Variants in SLC25A26 observed in about 807,000 individuals in gnomAD.
The protein encoded by SLC25A26 is mitochondrial S-adenosylmethionine carrier protein.
In SLC25A26, 36 loss-of-function variants were observed where a neutral mutation model predicts 37.8. The ratio of observed to expected loss-of-function variants is 0.95; its 90% CI spans 0.73 to 1.26. The LOEUF is 1.26. SLC25A26 is among the 50% of genes most tolerant of loss of function. SLC25A26 has a pLI of 0.00. For missense variants in SLC25A26, 390 were observed against 331.1 expected (o/e 1.18, Z -1.38); for synonymous variants, 129 against 122.5 (o/e 1.05, Z -0.35).
In SLC25A26 at chr3:66,378,810, TGAACCTTTATTAAA is replaced by T. The variant is rs1204350130; in HGVS notation, c.*1006_*1019del. ...CACCAACTATACTGACATTTATAAATGAACCTTTATTAAAGACACTTCAATGCCATTTGTTAGAC... is the reference window on the plus strand; with the variant it reads ...CACCAACTATACTGACATTTATAAATGACACTTCAATGCCATTTGTTAGAC... On this transcript the variant is annotated 3_prime_UTR_variant, in exon 10 of 10. Transcript: ENST00000354883. 2 of 152,634 alleles carry T rather than the reference TGAACCTTTATTAAA, an allele frequency of 1.3e-5. No homozygotes were observed. Among genetic ancestry groups the T allele is most frequent in the African/African-American group, 4.8e-5 (2 of 41,454 alleles). The allele number at this position is 152,634 out of a possible 1,614,324, so 9.5% of individuals were successfully genotyped here.
At chr3:66,283,317 G>T (rs544616350) in intron 5 of SLC25A26, among the ~76,000 whole-genome samples, 55 of 152,198 alleles carry the variant, frequency 3.6e-4, no homozygotes, top group African/African-American at 1.2e-3. Flanking sequence ...AGGTCTCACT[G>T]TGTTAACCCA....
At chr3:66,208,573 C>G (rs2071211010) in intron 1 of SLC25A26, among the ~76,000 whole-genome samples, 1 of 150,268 alleles carries the variant, frequency 6.7e-6, no homozygotes, top group Admixed American at 6.7e-5. Context: ...AGCTATTCTG[C>G]TTCTTTCGCC....
intron 5 of SLC25A26, among the ~76,000 whole-genome samples, chr3:66,343,674 A>G (rs332362): frequency 0.54 from 82,371 of 152,094 alleles, 24,650 homozygotes; most frequent in African/African-American, 0.79. Flanking sequence ...TAATTGAGAA[A>G]TGAATGATGC....
At position 66,245,112 on chromosome 3, in the gene SLC25A26, T is replaced by C. The variant is rs548559240; in HGVS notation, c.300+1800T>C. 3.9e-5 allele frequency among the ~76,000 whole-genome samples: 6 copies of C among 152,240 alleles called. No homozygotes were observed. In the South Asian group the frequency reaches 1.2e-3, roughly 32 times the overall value. ...TGAAGAGATGGGGGTCTCTTTATGT[T>C]TTCCAGACTGGTCTCGAACTCCTGG... is the stretch of plus-strand genomic sequence containing the variant. On this transcript the variant is annotated intron_variant, in intron 3 of 9. Transcript: ENST00000354883.
intron 1 of SLC25A26, among the ~76,000 whole-genome samples, chr3:66,150,748 A>G (rs1317459570): frequency 6.7e-6 from 1 of 148,198 alleles, no homozygotes; most frequent in African/African-American, 2.5e-5. Context: ...TGTCCCCTGG[A>G]CTGGCTGGAC....
chr3:66,167,358 A>G (rs1263621286), intron 1 of SLC25A26, among the ~76,000 whole-genome samples: 3 of 152,240 alleles, frequency 2.0e-5, no homozygotes, highest in South Asian at 2.1e-4. Context: ...TGACACTAAC[A>G]TGTTAAATTT....
intron 1 of SLC25A26, among the ~76,000 whole-genome samples, chr3:66,213,242 A>G (rs2071310259): frequency 6.6e-6 from 1 of 151,884 alleles, no homozygotes. Flanking sequence ...TCTACTAAAA[A>G]TACAAAAATT....
intron 5 of SLC25A26, among the ~76,000 whole-genome samples, chr3:66,334,063 C>T (rs576929997): frequency 2.5e-4 from 38 of 152,262 alleles, no homozygotes; most frequent in Non-Finnish European, 4.7e-4. Flanking sequence ...AGTTGTGGAT[C>T]TTTTGTCTAG....
intron 5 of SLC25A26, among the ~76,000 whole-genome samples, chr3:66,336,040 A>C (rs2076086692): frequency 6.6e-6 from 1 of 152,126 alleles, no homozygotes; most frequent in African/African-American, 2.4e-5. Context: ...TTCTAATTGT[A>C]ATTTTGCGTA....
chr3:66,248,539 A>G (rs1046800013), intron 3 of SLC25A26, among the ~76,000 whole-genome samples: 22 of 152,322 alleles, frequency 1.4e-4, no homozygotes, highest in Non-Finnish European at 2.6e-4. Flanking sequence ...GACGTGTTGT[A>G]TCTTATCCTA....
intron 1 of SLC25A26, among the ~76,000 whole-genome samples, chr3:66,188,711 G>A (rs1039501572): frequency 1.1e-3 from 173 of 152,124 alleles, no homozygotes; most frequent in Middle Eastern, 3.4e-3. Context: ...TCAGGTTTTC[G>A]TTTATAACAA....
At chr3:66,189,247 A>G (rs1371851077) in intron 1 of SLC25A26, among the ~76,000 whole-genome samples, 4 of 151,644 alleles carry the variant, frequency 2.6e-5, no homozygotes, top group South Asian at 2.1e-4. Flanking sequence ...TCTGAAATAT[A>G]CACCCACTCT....
intron 5 of SLC25A26, among the ~76,000 whole-genome samples, chr3:66,317,765 C>G (rs2075579651): frequency 6.6e-6 from 1 of 152,158 alleles, no homozygotes; most frequent in East Asian, 1.9e-4. Flanking sequence ...CCTAGGGGCT[C>G]CTGTCAGGGA....
chr3:66,371,728 C>T (rs1368856414), intron 9 of SLC25A26, among the ~76,000 whole-genome samples: 1 of 152,110 alleles, frequency 6.6e-6, no homozygotes, highest in Admixed American at 6.5e-5. Context: ...ATTAATTCTG[C>T]TGCCAGTTCC....
chr3:66,202,362 G>A (rs2071122108), intron 1 of SLC25A26, among the ~76,000 whole-genome samples: 1 of 151,938 alleles, frequency 6.6e-6, no homozygotes, highest in Non-Finnish European at 1.5e-5. Context: ...GGCCTGTCAT[G>A]GGGGTGCGGG....
chr3:66,153,393 C>T (rs533736924), intron 1 of SLC25A26, among the ~76,000 whole-genome samples: 1 of 152,136 alleles, frequency 6.6e-6, no homozygotes, highest in Non-Finnish European at 1.5e-5. Context: ...CCATGGTTTT[C>T]GAGCTTTATT....
chr3:66,299,004 CTTAG>C (rs2074991280), intron 5 of SLC25A26, among the ~76,000 whole-genome samples: 1 of 152,226 alleles, frequency 6.6e-6, no homozygotes, highest in African/African-American at 2.4e-5. Flanking sequence ...AGTGTGTAAA[CTTAG>C]TTAACTAACT....
At chr3:66,229,553 T>C (rs2071912950) in intron 1 of SLC25A26, among the ~76,000 whole-genome samples, 1 of 152,362 alleles carries the variant, frequency 6.6e-6, no homozygotes, top group Non-Finnish European at 1.5e-5. Flanking sequence ...CCTGCCGCCC[T>C]GTGAAGAAGG....
exon 1 of SLC25A26, chr3:66,133,628 C>T (rs2106648243): frequency 6.6e-6 from 1 of 152,328 alleles, no homozygotes; most frequent in East Asian, 1.9e-4. Context: ...GCTCTCAGAG[C>T]TTCCCTGTCT....
Sources: gnomAD v4.1 joint callset for allele counts (sites outside exome capture counted in the v4.1 genomes callset) on GRCh38, gnomAD v4.1.1 for gene constraint, MANE v1.5 for transcripts, NCBI Gene and HGNC (gene_info 2026-07-23, HGNC 2026-07-21) for gene names.